ZNF385D: variants seen among roughly 807,000 people sequenced by gnomAD.
ZNF385D encodes the protein zinc finger protein 385D, also known as zinc finger protein 659.
A neutral mutation model predicts 35.8 loss-of-function variants in ZNF385D; 15 were observed. The observed-to-expected ratio is 0.42, with a 90% CI of 0.28 to 0.64. The LOEUF (loss-of-function observed/expected upper bound fraction) is 0.64. Among genes scored for constraint, ZNF385D ranks in the 30% least tolerant of loss-of-function variants. The pLI is 0.23. For synonymous variants in ZNF385D, 212 were observed against 186.8 expected, an observed-to-expected ratio of 1.13 and a Z score of -1.10; for missense variants, 474 against 494.6, an observed-to-expected ratio of 0.96 and a Z score of 0.39.
intron 1 of ZNF385D, among the ~76,000 whole-genome samples, chr3:21,688,554 A>G (rs1575464909): frequency 6.6e-6 from 1 of 152,196 alleles, no homozygotes; most frequent in Non-Finnish European, 1.5e-5. Flanking sequence ...ACAGCTAGAC[A>G]TTAACTACAT....
intron 3 of ZNF385D, among the ~76,000 whole-genome samples, chr3:22,103,226 T>TA (rs201346548): frequency 4.6e-5 from 7 of 151,298 alleles, no homozygotes; most frequent in Non-Finnish European, 7.4e-5. Context: ...TTTTTTTTTT[T>TA]AAATACATGT....
intron 1 of ZNF385D, among the ~76,000 whole-genome samples, chr3:21,722,366 C>T (rs765351926): frequency 3.3e-5 from 5 of 152,188 alleles, no homozygotes; most frequent in Non-Finnish European, 7.3e-5. Context: ...CCTCTCTCGT[C>T]CTCTCCCCTT....
intron 3 of ZNF385D, among the ~76,000 whole-genome samples, chr3:21,997,048 T>TA (rs1424277135): frequency 1.5e-4 from 22 of 151,486 alleles, no homozygotes; most frequent in Non-Finnish European, 2.5e-4. Flanking sequence ...AGGAACAGTT[T>TA]TAAAAAAAAA....
intron 4 of ZNF385D, among the ~76,000 whole-genome samples, chr3:21,494,209 G>A (rs1705647526): frequency 6.6e-6 from 1 of 152,106 alleles, no homozygotes; most frequent in South Asian, 2.1e-4. Context: ...TTAACAAAAT[G>A]TAAACCGAGA....
At chr3:21,921,081 G>A (rs958245427) in intron 3 of ZNF385D, among the ~76,000 whole-genome samples, 6 of 151,678 alleles carry the variant, frequency 4.0e-5, no homozygotes, top group African/African-American at 1.2e-4. Flanking sequence ...AAAAATAGCC[G>A]GCGTGATGGC....
At chr3:21,965,477 A>G (rs1702861932) in intron 3 of ZNF385D, among the ~76,000 whole-genome samples, 1 of 147,972 alleles carries the variant, frequency 6.8e-6, no homozygotes, top group Non-Finnish European at 1.5e-5. Context: ...TATCAGAAAA[A>G]AAACTGAAGA....
intron 3 of ZNF385D, among the ~76,000 whole-genome samples, chr3:22,038,758 T>C (rs1221630870): frequency 6.6e-6 from 1 of 151,958 alleles, no homozygotes; most frequent in Non-Finnish European, 1.5e-5. Context: ...ATAGATTTCA[T>C]ACACACTAAG....
At chr3:21,975,866 G>A (rs1703585406) in intron 3 of ZNF385D, among the ~76,000 whole-genome samples, 1 of 151,422 alleles carries the variant, frequency 6.6e-6, no homozygotes, top group Non-Finnish European at 1.5e-5. Flanking sequence ...TTCTTCCATT[G>A]AGTCATCTGA....
Position 21,926,864 on chromosome 3 carries a change from A to G in ZNF385D, c.325+241953T>C, listed in dbSNP as rs534965045. Among the ~76,000 whole-genome samples the G allele has an allele frequency of 1.3e-3, 191 of 152,302 alleles. 2 individuals are homozygous for G. The highest frequency in any genetic ancestry group is 4.0e-3 in the African/African-American group (165 of 41,580). ...AAAATTTCATCAGAGTGAAAAGGCA[A>G]TCTACAGAATGGGAGAAAATTTTTG... On this transcript the variant is annotated intron_variant, in intron 3 of 5. Transcript: ENST00000494108.
intron 3 of ZNF385D, among the ~76,000 whole-genome samples, chr3:21,813,691 A>T (rs576578795): frequency 8.0e-4 from 118 of 148,146 alleles, no homozygotes; most frequent in African/African-American, 2.7e-3. Flanking sequence ...TCCAAGAAAT[A>T]TGGGACTCTG....
intron 1 of ZNF385D, among the ~76,000 whole-genome samples, chr3:21,698,155 T>G (rs1337705695): frequency 6.6e-6 from 1 of 152,202 alleles, no homozygotes; most frequent in East Asian, 1.9e-4. Flanking sequence ...CACATATGTT[T>G]ATTGCAGCAC....
chr3:21,653,659 C>T (rs150475346), intron 2 of ZNF385D, among the ~76,000 whole-genome samples: 29 of 151,862 alleles, frequency 1.9e-4, no homozygotes, highest in African/African-American at 6.0e-4. Flanking sequence ...CTCTTAAAAC[C>T]AGATTCTGTC....
intron 3 of ZNF385D, among the ~76,000 whole-genome samples, chr3:22,005,439 T>C (rs1402908775): frequency 6.6e-6 from 1 of 152,060 alleles, no homozygotes; most frequent in Non-Finnish European, 1.5e-5. Flanking sequence ...TGTCGCAGGG[T>C]AACTATTTTT....
intron 1 of ZNF385D, among the ~76,000 whole-genome samples, chr3:21,694,470 G>T (rs1257561196): frequency 6.6e-6 from 1 of 152,174 alleles, no homozygotes; most frequent in Non-Finnish European, 1.5e-5. Context: ...GCTCAATATG[G>T]CCTGAATCTG....
chr3:22,157,946 A>G (rs1357421449), intron 3 of ZNF385D, among the ~76,000 whole-genome samples: 1 of 152,126 alleles, frequency 6.6e-6, no homozygotes, highest in African/African-American at 2.4e-5. Flanking sequence ...GTCCTTTACA[A>G]AAGTTCCCTG....
At chr3:21,653,743 A>T (rs1575403572) in intron 2 of ZNF385D, among the ~76,000 whole-genome samples, 1 of 151,984 alleles carries the variant, frequency 6.6e-6, no homozygotes, top group Non-Finnish European at 1.5e-5. Context: ...GAATTTTTTT[A>T]CCTAAAAAAA....
intron 3 of ZNF385D, among the ~76,000 whole-genome samples, chr3:21,781,214 C>G (rs191023014): frequency 6.6e-6 from 1 of 151,366 alleles, no homozygotes; most frequent in Non-Finnish European, 1.5e-5. Context: ...TATTTCAAAG[C>G]GAGAAAAGGG....
At chr3:22,021,216 G>A (rs373171928) in intron 3 of ZNF385D, among the ~76,000 whole-genome samples, 1 of 151,580 alleles carries the variant, frequency 6.6e-6, no homozygotes, top group Admixed American at 6.6e-5. Context: ...ATCGATACAT[G>A]AAACAAAATA....
chr3:22,183,368 T>G (rs1248787082), intron 2 of ZNF385D, among the ~76,000 whole-genome samples: 3 of 152,146 alleles, frequency 2.0e-5, no homozygotes, highest in Non-Finnish European at 4.4e-5. Flanking sequence ...TTTTTTAATT[T>G]GAGATGGAGT....
Sources: allele counts gnomAD v4.1 joint callset (sites outside exome capture counted in the v4.1 genomes callset), GRCh38; gene constraint gnomAD v4.1.1; transcripts MANE v1.5; gene names NCBI Gene and HGNC (gene_info 2026-07-23, HGNC 2026-07-21).